Variants in TEX52 observed in about 807,000 individuals in gnomAD.
TEX52 encodes testis-expressed protein 52.
Under a neutral mutation model 17.6 loss-of-function variants are expected in TEX52, and 22 were observed. That is an observed-to-expected ratio of 1.25 (90% CI 0.89 to 1.78). TEX52 has a LOEUF of 1.78. Ranked by LOEUF, TEX52 falls within the 40% of genes most tolerant of loss-of-function variation. The pLI, the probability that TEX52 is intolerant of heterozygous loss-of-function variation, is 0.00. For missense variants in TEX52, 396 were observed against 372.3 expected (o/e 1.06, Z -0.52); for synonymous variants, 168 against 147.4 (o/e 1.14, Z -1.01).
rs2098083853 is a variant in TEX52 at position 2,855,291 on chromosome 12, C to T, written c.228G>A (p.Lys76=). The change falls in exon 2 of 3, where the codon AAG becomes AAA. Residue 76 remains lysine, a synonymous_variant. Coordinates refer to ENST00000637658, the MANE Select transcript of TEX52 (RefSeq NM_001365174.2). The part of the protein sequence containing the change: ...KLPPCTDMKS[K]VRQRLIHPWK... ...AAGGGTGGATGAGCCGCTGACGCAC[C>T]TTGGACTTCATATCTGTGCAGGGCG... 6.6e-7 allele frequency: 1 copy of T among 1,524,034 alleles called. No homozygotes were observed. The highest frequency in any genetic ancestry group is 8.8e-7 in the Non-Finnish European group (1 of 1,137,522). 94.4% of individuals were successfully genotyped at this position (1,524,034 alleles called of 1,614,324 possible). A position where few individuals can be genotyped will look rare whatever the true frequency, so the allele number is the denominator to read the frequency against.
intron 2 of TEX52, among the ~76,000 whole-genome samples, chr12:2,852,387 G>A (rs2153928987): frequency 6.6e-6 from 1 of 151,686 alleles, no homozygotes; most frequent in Non-Finnish European, 1.5e-5. Flanking sequence ...TTTCTTTTGA[G>A]CTAGGGTCTC....
Position 2,849,328 on chromosome 12 carries a change from A to T in TEX52, c.821T>A (p.Ile274Lys), listed in dbSNP as rs187689396. The T allele has an allele frequency of 2.6e-6, 4 of 1,536,110 alleles. No homozygotes were observed. The highest frequency in any genetic ancestry group is 1.7e-6 in the Non-Finnish European group (2 of 1,146,904). The change falls in exon 3 of 3, where the codon ATA becomes AAA. Residue 274 changes from isoleucine (I) to lysine (K), a missense_variant. Coordinates refer to ENST00000637658, the MANE Select transcript of TEX52 (RefSeq NM_001365174.2). ...GAGGGGTAAGGCAGTTCTGTCCTTT[A>T]TCAGGGTTTGGAAATCCCTTATGAG... is the stretch of plus-strand genomic sequence containing the variant. ...QDLIRDFQTL[I>K]KDRTALPLHH... is the part of the protein sequence containing the mutation.
rs745944379 is a variant in TEX52 at position 2,852,395 on chromosome 12, C to A, written c.623+2501G>T. ...TTTTTTTTTTCTTTTGAGCTAGGGTCTCACCACGTTGCCCAGCCTGGAGTG... is the reference window on the plus strand; with the variant it reads ...TTTTTTTTTTCTTTTGAGCTAGGGTATCACCACGTTGCCCAGCCTGGAGTG... On this transcript the variant is annotated intron_variant, in intron 2 of 2. Coordinates refer to ENST00000637658, the MANE Select transcript of TEX52 (RefSeq NM_001365174.2). Among the ~76,000 whole-genome samples, 121 of 152,116 alleles carry A rather than the reference C, an allele frequency of 8.0e-4. No homozygotes were observed. In the Middle Eastern group the frequency reaches 0.014, roughly 17 times the overall value.
At chr12:2,849,554 G>C in intron 2 of TEX52, 29 bp from the exon 3 acceptor site, 1 of 1,535,628 alleles carries the variant, frequency 6.5e-7, no homozygotes, top group Non-Finnish European at 8.7e-7. Context: ...GGAGAGAACA[G>C]AGAGATCAAA....
intron 2 of TEX52, among the ~76,000 whole-genome samples, chr12:2,851,257 AGAGT>A (rs1041082923): frequency 3.2e-4 from 48 of 152,194 alleles, no homozygotes; most frequent in Middle Eastern, 6.8e-3. Flanking sequence ...GAGTGAGTGG[AGAGT>A]GAGTGAGTGA....
rs554199888 is a variant in TEX52, at chr12:2,854,908, G to A, written c.611C>T (p.Ala204Val). 1.5e-4 allele frequency: 233 copies of A among 1,534,572 alleles called. 1 individual carries two copies. The highest frequency in any genetic ancestry group is 1.9e-4 in the Non-Finnish European group (216 of 1,145,762). ...LDAQGNIQPPASFKKYRHISA... is the reference protein window; with the variant it reads ...LDAQGNIQPPVSFKKYRHISA... ...GGCACCGTCTTACTTCTTGAAGCTCGCTGGCGGCTGGATGTTGCCCTGGGC... is the reference window on the plus strand; with the variant it reads ...GGCACCGTCTTACTTCTTGAAGCTCACTGGCGGCTGGATGTTGCCCTGGGC... The change falls in exon 2 of 3, where the codon GCG becomes GTG. Residue 204 changes from alanine to valine, a missense_variant. Physicochemically the swap from Ala to Val is moderately conservative, Grantham distance 64 (BLOSUM62 0). Transcript: ENST00000637658.
intron 2 of TEX52, among the ~76,000 whole-genome samples, chr12:2,853,016 C>CAA (rs200264720): frequency 2.0e-5 from 3 of 149,438 alleles, no homozygotes; most frequent in African/African-American, 7.4e-5. Flanking sequence ...AAAGAAACAA[C>CAA]AAAAAAAAAC....
chr12:2,849,441 C>T lies in TEX52; in HGVS notation c.708G>A (p.Arg236=). 6.5e-7 allele frequency: 1 copy of T among 1,536,136 alleles called. No homozygotes were observed. The highest frequency in any genetic ancestry group is 1.2e-5 in the South Asian group (1 of 84,058). Residue 236 remains arginine (R), a synonymous_variant, in exon 3 of 3, where the codon AGG becomes AGA. Coordinates refer to ENST00000637658, the MANE Select transcript of TEX52 (RefSeq NM_001365174.2). ...GCAGAGGGTTTGGGCAGGGCCAGCT[C>T]CTGGCGAAATTATTGGGAAACGGGT... The part of the protein sequence containing the change: ...MPNPFPNNFA[R]SWPCPNPLPH...
At chr12:2,852,197 C>T (rs747513822) in intron 2 of TEX52, among the ~76,000 whole-genome samples, 6 of 152,190 alleles carry the variant, frequency 3.9e-5, no homozygotes, top group Admixed American at 6.5e-5. Flanking sequence ...CACATTCCTT[C>T]ATTCCTGGTT....
At chr12:2,851,740 G>A (rs953978011) in intron 2 of TEX52, among the ~76,000 whole-genome samples, 2 of 150,768 alleles carry the variant, frequency 1.3e-5, no homozygotes, top group African/African-American at 2.4e-5. Flanking sequence ...ATGCAGTGGC[G>A]TGATCTCAGC....
chr12:2,850,306 T>A (rs1478514049), intron 2 of TEX52, among the ~76,000 whole-genome samples: 1 of 151,882 alleles, frequency 6.6e-6, no homozygotes, highest in Non-Finnish European at 1.5e-5. Context: ...AAACTCCGTC[T>A]CTACTAAAAA....
chr12:2,855,264 C>CCAAG lies in TEX52; in HGVS notation c.251_254dup (p.Trp85CysfsTer30), dbSNP rs1282261086. ...CCCAGGTGTGCTGGGCGCCACCCTT[C>CCAAG]CAAGGGTGGATGAGCCGCTGACGCA... On this transcript the variant is annotated frameshift_variant, in exon 2 of 3. Coordinates refer to ENST00000637658, the MANE Select transcript of TEX52 (RefSeq NM_001365174.2). LOFTEE classifies it high-confidence loss of function. 5.3e-6 allele frequency: 8 copies of CCAAG among 1,513,902 alleles called. No individual in the cohort carries two copies. The highest frequency in any genetic ancestry group is 1.4e-5 in the African/African-American group (1 of 72,640). The allele number at this position is 1,513,902 out of a possible 1,614,324, so 93.8% of individuals were successfully genotyped here.
intron 1 of TEX52, among the ~76,000 whole-genome samples, chr12:2,855,701 C>T (rs924450863): frequency 5.9e-5 from 9 of 152,164 alleles, no homozygotes; most frequent in South Asian, 2.1e-4. Flanking sequence ...TGACTTCCCA[C>T]CCTCTGTACT....
chr12:2,855,397 C>G lies in TEX52; in HGVS notation c.122G>C (p.Arg41Pro). Residue 41 changes from arginine to proline, a missense_variant, in exon 2 of 3, where the codon CGT becomes CCT. Physicochemically the swap from Arg to Pro is moderately radical, Grantham distance 103 (BLOSUM62 -2). Coordinates refer to ENST00000637658, the MANE Select transcript of TEX52 (RefSeq NM_001365174.2). ...SLPPSQTWAQREFFLPSESWE... is the reference protein window; with the variant it reads ...SLPPSQTWAQPEFFLPSESWE... The stretch of plus-strand genomic sequence containing the variant: ...GGACTCGCTGGGGAGGAAGAACTCA[C>G]GCTGAGCCCACGTTTGGGAGGGTGG... The G allele has an allele frequency of 2.8e-6, 3 of 1,089,414 alleles. No homozygotes were observed. Among genetic ancestry groups the G allele is most frequent in the Non-Finnish European group, 3.7e-6 (3 of 818,918 alleles). The allele number at this position is 1,089,414 out of a possible 1,614,324, so 67.5% of individuals were successfully genotyped here.
intron 2 of TEX52, among the ~76,000 whole-genome samples, chr12:2,850,211 C>G (rs1396732444): frequency 6.6e-6 from 1 of 152,130 alleles, no homozygotes; most frequent in Non-Finnish European, 1.5e-5. Flanking sequence ...CCCAGTGGCT[C>G]ACACCTGTAA....
rs977727949 is a variant in TEX52 at position 2,849,374 on chromosome 12, T to C, written c.775A>G (p.Ser259Gly). The change falls in exon 3 of 3, where the codon AGC (serine) becomes GGC (glycine). Residue 259 changes from serine to glycine, a missense_variant. Physicochemically the swap from Ser to Gly is moderately conservative, Grantham distance 56. Coordinates refer to ENST00000637658, the MANE Select transcript of TEX52 (RefSeq NM_001365174.2). The stretch of plus-strand genomic sequence containing the variant: ...ATGAGGTCCTGGCTCAGGGGCGCGC[T>C]GGGCAGCAAGGCCAGCTTTAGCACC... ...EKVLKLALLP[S>G]APLSQDLIRD... 46 of 1,536,044 alleles carry C rather than the reference T, an allele frequency of 3.0e-5. No homozygotes were observed. In the Admixed American group the frequency reaches 3.1e-4, roughly 10 times the overall value.
chr12:2,850,653 TTTTTGTTTTGTTTTG>T (rs150335236), intron 2 of TEX52, among the ~76,000 whole-genome samples: 6 of 97,702 alleles, frequency 6.1e-5, no homozygotes, highest in East Asian at 2.8e-4. Context: ...AGAGTCTTTG[TTTTTGTTTTGTTTTG>T]TTTTGTTTTG....
chr12:2,850,667 T>G (rs1565448257), intron 2 of TEX52, among the ~76,000 whole-genome samples: 4 of 151,808 alleles, frequency 2.6e-5, no homozygotes, highest in Middle Eastern at 3.4e-3. Context: ...TGTTTTGTTT[T>G]GTTTTGTTTT....
Position 2,849,148 on chromosome 12 carries a change from G to A in TEX52, c.*83C>T. On this transcript the variant is annotated 3_prime_UTR_variant, in exon 3 of 3. Coordinates refer to ENST00000637658, the MANE Select transcript of TEX52 (RefSeq NM_001365174.2). Reference sequence around the variant, plus strand: ...AAGCCAGAGTCCTTTTGCTACCCCAGGGCCTCTTGCTGAAGGAGCATTGAT... The same window carrying A: ...AAGCCAGAGTCCTTTTGCTACCCCAAGGCCTCTTGCTGAAGGAGCATTGAT... The A allele has an allele frequency of 1.4e-6, 2 of 1,394,730 alleles. No individual in the cohort carries two copies. The highest frequency in any genetic ancestry group is 1.9e-6 in the Non-Finnish European group (2 of 1,055,564). The allele number at this position is 1,394,730 out of a possible 1,614,324, so 86.4% of individuals were successfully genotyped here.
Sources: gnomAD v4.1 joint callset for allele counts (sites outside exome capture counted in the v4.1 genomes callset) on GRCh38, gnomAD v4.1.1 for gene constraint, MANE v1.5 for transcripts, NCBI Gene and HGNC (gene_info 2026-07-23, HGNC 2026-07-21) for gene names.